SNX29: variants seen among roughly 807,000 people sequenced by gnomAD.
SNX29 encodes sorting nexin-29.
SNX29 carries 78 observed loss-of-function variants against 102.1 expected under a neutral mutation model. That is an observed-to-expected ratio of 0.76 (90% CI 0.64 to 0.92). The LOEUF (loss-of-function observed/expected upper bound fraction) is 0.92. Among genes scored for constraint, SNX29 ranks in the 40% least tolerant of loss-of-function variants. The probability of loss-of-function intolerance (pLI) is 0.00; values close to 1 mark genes in which losing one functional copy is unlikely to be tolerated. For synonymous variants in SNX29, 580 were observed against 414.5 expected (o/e 1.40, Z -4.85); for missense variants, 1,280 against 1,061.7 (o/e 1.21, Z -2.86).
intron 13 of SNX29, among the ~76,000 whole-genome samples, chr16:12,150,406 G>A (rs1212959399): frequency 6.6e-6 from 1 of 152,186 alleles, no homozygotes; most frequent in Non-Finnish European, 1.5e-5. Context: ...GGTTAAGGAT[G>A]GATAAACAAG....
At chr16:12,466,406 A>G (rs1338041420) in intron 18 of SNX29, among the ~76,000 whole-genome samples, 2 of 152,378 alleles carry the variant, frequency 1.3e-5, no homozygotes, top group South Asian at 2.1e-4. Context: ...CCCATTTATA[A>G]TAACATCAGG....
intron 20 of SNX29, among the ~76,000 whole-genome samples, chr16:12,552,247 C>T (rs542688105): frequency 8.2e-4 from 121 of 147,416 alleles, no homozygotes; most frequent in Non-Finnish European, 1.2e-3. Context: ...CCCAGCTTTG[C>T]CTCCTAGGGG....
intron 18 of SNX29, among the ~76,000 whole-genome samples, chr16:12,470,969 G>A (rs777758990): frequency 1.3e-5 from 2 of 152,164 alleles, no homozygotes; most frequent in Admixed American, 1.3e-4. Context: ...TCAATGTGGG[G>A]TGTCATCCCC....
At chr16:12,115,704 A>C (rs1262504433) in intron 11 of SNX29, among the ~76,000 whole-genome samples, 1 of 152,218 alleles carries the variant, frequency 6.6e-6, no homozygotes, top group Non-Finnish European at 1.5e-5. Flanking sequence ...ATCTGGAGCC[A>C]TCTAATTAAC....
chr16:12,365,126 C>G (rs1225500014), intron 16 of SNX29, among the ~76,000 whole-genome samples: 1 of 152,128 alleles, frequency 6.6e-6, no homozygotes, highest in Non-Finnish European at 1.5e-5. Flanking sequence ...TTGTTCCATA[C>G]CACCACACTG....
chr16:12,115,334 C>T (rs1050154005), intron 11 of SNX29, among the ~76,000 whole-genome samples: 1 of 152,112 alleles, frequency 6.6e-6, no homozygotes, highest in East Asian at 1.9e-4. Context: ...GGTTTATAGA[C>T]TCATGCAGCT....
At position 12,572,661 on chromosome 16, in the gene SNX29, C is replaced by G. The variant is rs1017329796; in HGVS notation, c.*4032C>G. Reference sequence around the variant, plus strand: ...TTCCTCCACCAAGCTCCTGTGTGAGCTGCAGCACCCACACGGGGGAAGCCC... The same window carrying G: ...TTCCTCCACCAAGCTCCTGTGTGAGGTGCAGCACCCACACGGGGGAAGCCC... On this transcript the variant is annotated 3_prime_UTR_variant, in exon 21 of 21. Coordinates refer to ENST00000566228, the MANE Select transcript of SNX29 (RefSeq NM_032167.5). 25 of 1,063,968 alleles carry G rather than the reference C, an allele frequency of 2.3e-5. 1 individual carries two copies. In the Middle Eastern group the frequency reaches 1.7e-3, roughly 71 times the overall value. The allele number at this position is 1,063,968 out of a possible 1,614,324, so 65.9% of individuals were successfully genotyped here.
intron 18 of SNX29, among the ~76,000 whole-genome samples, chr16:12,475,078 C>G (rs1257105781): frequency 6.6e-6 from 1 of 152,220 alleles, no homozygotes; most frequent in African/African-American, 2.4e-5. Context: ...GACCTGAATT[C>G]TCTCCATATC....
chr16:12,446,994 G>A (rs889627310), intron 18 of SNX29, among the ~76,000 whole-genome samples: 5 of 151,126 alleles, frequency 3.3e-5, no homozygotes, highest in Admixed American at 3.3e-4. Context: ...GTGAGACCCC[G>A]TCTCTACTAT....
At position 12,090,146 on chromosome 16, in the gene SNX29, C is replaced by A. The variant is rs543743215; in HGVS notation, c.1402+11231C>A. ...CCACTTCCTAACTAGATTTCTCTTT[C>A]TTTTTTCCTTAAAGACTCTCTGGTC... On this transcript the variant is annotated intron_variant, in intron 11 of 20. Coordinates refer to ENST00000566228, the MANE Select transcript of SNX29 (RefSeq NM_032167.5). The A allele has an allele frequency of 2.1e-3, 322 of 155,148 alleles. 4 individuals carry two copies. The highest frequency in any genetic ancestry group is 7.5e-3 in the African/African-American group (311 of 41,608). 9.6% of individuals were successfully genotyped at this position (155,148 alleles called of 1,614,324 possible).
chr16:12,124,797 G>C (rs1403313369), intron 11 of SNX29, among the ~76,000 whole-genome samples: 1 of 152,078 alleles, frequency 6.6e-6, no homozygotes, highest in African/African-American at 2.4e-5. Context: ...CTGTGCTCTT[G>C]CCTGGTTTTG....
chr16:12,445,341 C>G (rs191690785), intron 18 of SNX29, among the ~76,000 whole-genome samples: 3 of 152,146 alleles, frequency 2.0e-5, no homozygotes, highest in Non-Finnish European at 4.4e-5. Flanking sequence ...GAGGCCTTAT[C>G]GAGATGCCCC....
At chr16:12,214,727 G>A (rs940198754) in intron 14 of SNX29, among the ~76,000 whole-genome samples, 2 of 152,052 alleles carry the variant, frequency 1.3e-5, no homozygotes, top group African/African-American at 4.8e-5. Flanking sequence ...CCTGTGGGGT[G>A]CCTTCTATTT....
At chr16:12,089,479 G>A (rs1388906225) in intron 11 of SNX29, among the ~76,000 whole-genome samples, 1 of 152,212 alleles carries the variant, frequency 6.6e-6, no homozygotes, top group Non-Finnish European at 1.5e-5. Flanking sequence ...CTCAGAAGCT[G>A]TCAGAACTGT....
At chr16:12,313,870 T>C (rs2080645551) in intron 15 of SNX29, among the ~76,000 whole-genome samples, 1 of 152,278 alleles carries the variant, frequency 6.6e-6, no homozygotes, top group South Asian at 2.1e-4. Context: ...TTATGATCCT[T>C]GCTTTACAGC....
At chr16:12,058,986 C>T (rs1455982918) in intron 8 of SNX29, among the ~76,000 whole-genome samples, 1 of 151,756 alleles carries the variant, frequency 6.6e-6, no homozygotes, top group Admixed American at 6.6e-5. Context: ...AGAGACAGGG[C>T]TCGAACTCTT....
intron 1 of SNX29, among the ~76,000 whole-genome samples, chr16:11,988,489 T>C (rs535165071): frequency 6.6e-6 from 1 of 152,248 alleles, no homozygotes; most frequent in South Asian, 2.1e-4. Flanking sequence ...CCTTGACCTA[T>C]AGGCTCAAGT....
intron 13 of SNX29, among the ~76,000 whole-genome samples, chr16:12,134,312 C>T (rs35208076): frequency 0.19 from 28,584 of 152,134 alleles, 2,923 homozygotes; most frequent in Admixed American, 0.3. Flanking sequence ...CTGAGAACAA[C>T]AAATATTTAT....
At chr16:12,546,643 C>T (rs942443258) in intron 20 of SNX29, 15 of 152,274 alleles carry the variant, frequency 9.9e-5, no homozygotes, top group African/African-American at 3.6e-4. Flanking sequence ...TAATTATAAA[C>T]AATTACCAAG....
Sources: gnomAD v4.1 joint callset for allele counts (sites outside exome capture counted in the v4.1 genomes callset) on GRCh38, gnomAD v4.1.1 for gene constraint, MANE v1.5 for transcripts, NCBI Gene and HGNC (gene_info 2026-07-23, HGNC 2026-07-21) for gene names.